Variants in LYZL4 observed in about 807,000 individuals in gnomAD.
The protein encoded by LYZL4 is lysozyme like 4, also known as lysozyme-like protein 4.
LYZL4 carries 13 observed loss-of-function variants against 17.6 expected under a neutral mutation model. The observed-to-expected ratio is 0.74, with a 90% CI of 0.48 to 1.18. LYZL4 has a LOEUF of 1.18. LYZL4 is among the 50% of genes most tolerant of loss of function. The probability of loss-of-function intolerance (pLI) is 0.00; values close to 1 mark genes in which losing one functional copy is unlikely to be tolerated. For missense variants in LYZL4, 174 were observed against 188.2 expected (o/e 0.92, Z 0.44); for synonymous variants, 64 against 67.7 (o/e 0.95, Z 0.27).
At chr3:42,389,439 G>A in the LYZL4 span, among the ~76,000 whole-genome samples, 1 of 152,160 alleles carries the variant, frequency 6.6e-6, no homozygotes, top group African/African-American at 2.4e-5. Context: ...CAGGCGCAAT[G>A]GTAAACCCTA....
chr3:42,377,650 T>TGTGC, the LYZL4 span, among the ~76,000 whole-genome samples: 1 of 151,834 alleles, frequency 6.6e-6, no homozygotes, highest in Non-Finnish European at 1.5e-5. Flanking sequence ...TGTGTGTGTG[T>TGTGC]GTGTGTGTGT....
chr3:42,406,592 A>G (rs1322909876), intron 3 of LYZL4, among the ~76,000 whole-genome samples: 2 of 151,864 alleles, frequency 1.3e-5, no homozygotes, highest in Admixed American at 6.6e-5. Context: ...CAACTCCCCA[A>G]CACCTTCTCT....
At chr3:42,368,773 C>T in the LYZL4 span, among the ~76,000 whole-genome samples, 1 of 152,104 alleles carries the variant, frequency 6.6e-6, no homozygotes, top group Non-Finnish European at 1.5e-5. Context: ...TGGCAGTTCA[C>T]CCATAGTATA....
At chr3:42,407,500 C>T (rs1698780425) in intron 1 of LYZL4, 157 bp from the exon 2 acceptor site, 4 of 527,566 alleles carry the variant, frequency 7.6e-6, no homozygotes, top group South Asian at 6.9e-5. Context: ...TCTTGACCTC[C>T]TATTTTCTAA....
the LYZL4 span, among the ~76,000 whole-genome samples, chr3:42,388,315 G>A: frequency 1.3e-5 from 2 of 152,136 alleles, no homozygotes; most frequent in African/African-American, 4.8e-5. Context: ...AGCACGCCTG[G>A]ATTTTATCCC....
At chr3:42,374,130 A>G in the LYZL4 span, among the ~76,000 whole-genome samples, 2 of 152,210 alleles carry the variant, frequency 1.3e-5, no homozygotes, top group African/African-American at 4.8e-5. Flanking sequence ...TTTAGCAAGT[A>G]CCATTGTTTA....
the LYZL4 span, among the ~76,000 whole-genome samples, chr3:42,371,219 G>A: frequency 6.6e-6 from 1 of 152,166 alleles, no homozygotes; most frequent in South Asian, 2.1e-4. Context: ...AGCTGCTGTG[G>A]TTTATTGCCT....
chr3:42,397,383 G>T, intron 4 of LYZL4, 49 bp from the exon 5 acceptor site: 2 of 1,346,896 alleles, frequency 1.5e-6, no homozygotes, highest in African/African-American at 2.9e-5. Context: ...AGAACTCAGG[G>T]TCTCCAGGGC....
Position 42,406,999 on chromosome 3 carries a change from C to G in LYZL4, c.140-1G>C. On this transcript the variant is annotated splice_acceptor_variant, in intron 2 of 4. Transcript: ENST00000287748. LOFTEE classifies it high-confidence loss of function. ...CTCTCGAAGTAGGCCAGGCACACCC[C>G]TAAGATGGAACAGAAGGTGTGTGAC... 6.2e-7 allele frequency: 1 copy of G among 1,614,158 alleles called. No homozygotes were observed. The highest frequency in any genetic ancestry group is 1.7e-5 in the Admixed American group (1 of 60,018).
At chr3:42,393,422 G>C (rs969849704), downstream of LYZL4, among the ~76,000 whole-genome samples, 1 of 152,054 alleles carries the variant, frequency 6.6e-6, no homozygotes, top group African/African-American at 2.4e-5. Context: ...AAGTCAGCAT[G>C]GTGCTGGGAA....
At chr3:42,381,754 T>C in the LYZL4 span, among the ~76,000 whole-genome samples, 2 of 152,196 alleles carry the variant, frequency 1.3e-5, no homozygotes, top group South Asian at 2.1e-4. Flanking sequence ...CTGTAAAATA[T>C]AAAATTCTAC....
At chr3:42,376,875 A>G in the LYZL4 span, among the ~76,000 whole-genome samples, 1 of 152,240 alleles carries the variant, frequency 6.6e-6, no homozygotes. Flanking sequence ...TGGCAAGGAA[A>G]GGGGAAAGTT....
At chr3:42,399,595 C>G (rs1316160850) in intron 4 of LYZL4, among the ~76,000 whole-genome samples, 1 of 152,140 alleles carries the variant, frequency 6.6e-6, no homozygotes, top group Non-Finnish European at 1.5e-5. Flanking sequence ...AGTGTGGACA[C>G]TGGGATTCCA....
chr3:42,364,243 T>C, the LYZL4 span, among the ~76,000 whole-genome samples: 1 of 152,162 alleles, frequency 6.6e-6, no homozygotes, highest in Non-Finnish European at 1.5e-5. Context: ...AGCTACAGTC[T>C]ACATTTGGCT....
chr3:42,395,468 A>G (rs1698537702), downstream of LYZL4, among the ~76,000 whole-genome samples: 1 of 152,232 alleles, frequency 6.6e-6, no homozygotes, highest in African/African-American at 2.4e-5. Context: ...CTGTATGTTT[A>G]GTAGTAGTCC....
downstream of LYZL4, among the ~76,000 whole-genome samples, chr3:42,394,114 T>C (rs1405733950): frequency 6.6e-6 from 1 of 152,202 alleles, no homozygotes; most frequent in African/African-American, 2.4e-5. Flanking sequence ...ATTTTTACTA[T>C]GACAGAAGCT....
chr3:42,393,274 C>T (rs922780142), downstream of LYZL4, among the ~76,000 whole-genome samples: 1 of 152,100 alleles, frequency 6.6e-6, no homozygotes, highest in Non-Finnish European at 1.5e-5. Context: ...AATCTTCTTA[C>T]TCCAGTAAGG....
chr3:42,383,484 T>C, the LYZL4 span, among the ~76,000 whole-genome samples: 1 of 150,742 alleles, frequency 6.6e-6, no homozygotes, highest in Non-Finnish European at 1.5e-5. Flanking sequence ...CTTTATATTA[T>C]GTGCTTATAT....
the LYZL4 span, among the ~76,000 whole-genome samples, chr3:42,366,425 G>A: frequency 3.3e-5 from 5 of 152,132 alleles, no homozygotes; most frequent in Non-Finnish European, 7.4e-5. Context: ...GCGGCACCAG[G>A]CAGAAGCTAT....
Sources: gnomAD v4.1 joint callset for allele counts (sites outside exome capture counted in the v4.1 genomes callset) on GRCh38, gnomAD v4.1.1 for gene constraint, MANE v1.5 for transcripts, NCBI Gene and HGNC (gene_info 2026-07-23, HGNC 2026-07-21) for gene names.